ONECUT2: variants seen among roughly 807,000 people sequenced by gnomAD.
ONECUT2 encodes one cut domain family member 2.
Under a neutral mutation model 27.9 loss-of-function variants are expected in ONECUT2, and 10 were observed. The ratio of observed to expected loss-of-function variants is 0.36; its 90% CI spans 0.22 to 0.61. The LOEUF (loss-of-function observed/expected upper bound fraction) is 0.61. ONECUT2 is among the 20% of genes least tolerant of loss of function. The probability of loss-of-function intolerance (pLI) is 0.73; values close to 1 mark genes in which losing one functional copy is unlikely to be tolerated. For synonymous variants in ONECUT2, 334 were observed against 315.1 expected, an observed-to-expected ratio of 1.06 and a Z score of -0.64; for missense variants, 686 against 721.0, an observed-to-expected ratio of 0.95 and a Z score of 0.56.
chr18:57,467,494 T>C (rs937089276), intron 1 of ONECUT2, among the ~76,000 whole-genome samples: 1 of 151,898 alleles, frequency 6.6e-6, no homozygotes, highest in African/African-American at 2.4e-5. Context: ...GCCTCCCGAG[T>C]ATCTGGGATT....
intron 1 of ONECUT2, among the ~76,000 whole-genome samples, chr18:57,460,537 A>G (rs1014391309): frequency 6.6e-6 from 1 of 152,104 alleles, no homozygotes; most frequent in African/African-American, 2.4e-5. Flanking sequence ...AATAGGATAT[A>G]TATTTTCTCT....
chr18:57,465,410 C>T (rs528603036), intron 1 of ONECUT2, among the ~76,000 whole-genome samples: 125 of 152,334 alleles, frequency 8.2e-4, no homozygotes, highest in South Asian at 1.2e-3. Context: ...GCAATCCGCC[C>T]GCCTTGGCCT....
At position 57,486,394 on chromosome 18, in the gene ONECUT2, A is replaced by G. The variant is rs993488473; in HGVS notation, c.*9671A>G. 1.3e-5 allele frequency: 2 copies of G among 152,416 alleles called. No homozygotes were observed. The highest frequency in any genetic ancestry group is 1.9e-4 in the East Asian group (1 of 5,184). 9.4% of individuals were successfully genotyped at this position (152,416 alleles called of 1,614,324 possible). ...TACTAATACCAAAGGTTCTTTCTCT[A>G]TGTCTCCTCCTCTGCCTCCCTCGTT... On this transcript the variant is annotated 3_prime_UTR_variant, in exon 2 of 2. Transcript: ENST00000491143.
intron 1 of ONECUT2, among the ~76,000 whole-genome samples, chr18:57,464,507 G>C (rs779513925): frequency 3.3e-5 from 5 of 150,746 alleles, no homozygotes; most frequent in African/African-American, 4.9e-5. Flanking sequence ...GTTTTGTTTT[G>C]CTTTTCATGT....
At chr18:57,466,114 T>G (rs1403889356) in intron 1 of ONECUT2, among the ~76,000 whole-genome samples, 2 of 152,228 alleles carry the variant, frequency 1.3e-5, no homozygotes, top group Non-Finnish European at 2.9e-5. Flanking sequence ...TTTGTTTTTT[T>G]GCCTAGTTGT....
intron 1 of ONECUT2, among the ~76,000 whole-genome samples, 197 bp downstream of exon 1, chr18:57,437,141 CCTTTT>C (rs1464728358): frequency 1.3e-5 from 2 of 152,094 alleles, no homozygotes; most frequent in Non-Finnish European, 2.9e-5. Context: ...TTCCCTTCTC[CCTTTT>C]CTTTTTCTTT....
At chr18:57,471,516 G>A (rs946656240) in intron 1 of ONECUT2, among the ~76,000 whole-genome samples, 1 of 152,226 alleles carries the variant, frequency 6.6e-6, no homozygotes, top group Non-Finnish European at 1.5e-5. Flanking sequence ...CCAGGGAGAA[G>A]CAAGTTGGTG....
In ONECUT2 at chr18:57,487,999, A is replaced by G. The variant is rs997151202; in HGVS notation, c.*11276A>G. ...TTGCATAGGAGTATGCAGCCTAGGG[A>G]ACCTTGGTTGAAAAGCAGCAGTCTG... On this transcript the variant is annotated 3_prime_UTR_variant, in exon 2 of 2. Coordinates refer to ENST00000491143, the MANE Select transcript of ONECUT2 (RefSeq NM_004852.3). The G allele has an allele frequency of 6.6e-6, 1 of 152,220 alleles. No homozygotes were observed. The highest frequency in any genetic ancestry group is 2.4e-5 in the African/African-American group (1 of 41,458). The allele number at this position is 152,220 out of a possible 1,614,324, so 9.4% of individuals were successfully genotyped here.
rs2050138293 is a variant in ONECUT2, at chr18:57,436,055, C to A, written c.339C>A (p.Ile113=). The A allele has an allele frequency of 6.3e-7, 1 of 1,593,450 alleles. No individual in the cohort carries two copies. The highest frequency in any genetic ancestry group is 8.5e-7 in the Non-Finnish European group (1 of 1,176,510). ...RSAMVTSMAS[I]LDGGDYRPEL... ...CCATGGTCACCAGCATGGCCTCGAT[C>A]CTGGACGGCGGCGACTACCGGCCCG... The change falls in exon 1 of 2, where the codon ATC becomes ATA. Residue 113 remains isoleucine (I), a synonymous_variant. Coordinates refer to ENST00000491143, the MANE Select transcript of ONECUT2 (RefSeq NM_004852.3). The surrounding 1 kb of genome is among the most constrained non-coding windows in gnomAD (Gnocchi z 5.9).
At chr18:57,474,950 G>T (rs1317549740) in intron 1 of ONECUT2, among the ~76,000 whole-genome samples, 5 of 152,078 alleles carry the variant, frequency 3.3e-5, no homozygotes, top group Non-Finnish European at 5.9e-5. Context: ...TTCTGAGGGC[G>T]ACTGCCCCAT....
At chr18:57,442,283 T>C (rs2050179958) in intron 1 of ONECUT2, among the ~76,000 whole-genome samples, 1 of 151,072 alleles carries the variant, frequency 6.6e-6, no homozygotes, top group Non-Finnish European at 1.5e-5. Context: ...ATCCCACCTG[T>C]TGAAGAAGGC....
In ONECUT2 at chr18:57,491,223, A is replaced by G. The variant is rs566087668; in HGVS notation, c.*14500A>G. On this transcript the variant is annotated 3_prime_UTR_variant, in exon 2 of 2. Coordinates refer to ENST00000491143, the MANE Select transcript of ONECUT2 (RefSeq NM_004852.3). The stretch of plus-strand genomic sequence containing the variant: ...ACATCGCTTACACTGGATTCTTTCT[A>G]TTTTTATTCCTATCATTAAATGGTA... 1 of 152,000 alleles carries G rather than the reference A, an allele frequency of 6.6e-6. No individual in the cohort carries two copies. The highest frequency in any genetic ancestry group is 2.4e-5 in the African/African-American group (1 of 41,514). The allele number at this position is 152,000 out of a possible 1,614,324, so 9.4% of individuals were successfully genotyped here. A position where few individuals can be genotyped will look rare whatever the true frequency, so the allele number is the denominator to read the frequency against.
intron 1 of ONECUT2, among the ~76,000 whole-genome samples, chr18:57,473,730 C>G (rs1008074161): frequency 1.1e-4 from 16 of 152,278 alleles, no homozygotes; most frequent in Admixed American, 2.6e-4. Context: ...GATGAGCCCT[C>G]CAGGTGATTC....
At position 57,488,174 on chromosome 18, in the gene ONECUT2, T is replaced by C. The variant is rs1389912844; in HGVS notation, c.*11451T>C. 3 of 152,676 alleles carry C rather than the reference T, an allele frequency of 2.0e-5. No homozygotes were observed. Among genetic ancestry groups the C allele is most frequent in the African/African-American group, 4.8e-5 (2 of 41,472 alleles). The allele number at this position is 152,676 out of a possible 1,614,324, so 9.5% of individuals were successfully genotyped here. On this transcript the variant is annotated 3_prime_UTR_variant, in exon 2 of 2. Coordinates refer to ENST00000491143, the MANE Select transcript of ONECUT2 (RefSeq NM_004852.3). ...GGTTGTGGTAATGTAAACTTTGATA[T>C]ATAGTCTTTTTATTTTTCTCTTATT...
chr18:57,452,354 T>C (rs2050235266), intron 1 of ONECUT2, among the ~76,000 whole-genome samples: 1 of 152,240 alleles, frequency 6.6e-6, no homozygotes, highest in Non-Finnish European at 1.5e-5. Context: ...ACTGCTCTAG[T>C]GTCCCAATGG....
rs1246519635 is a variant in ONECUT2, at chr18:57,488,517, G to C, written c.*11794G>C. 1.3e-5 allele frequency: 2 copies of C among 152,562 alleles called. No individual in the cohort carries two copies. The highest frequency in any genetic ancestry group is 1.5e-5 in the Non-Finnish European group (1 of 68,016). 9.5% of individuals were successfully genotyped at this position (152,562 alleles called of 1,614,324 possible). A position where few individuals can be genotyped will look rare whatever the true frequency, so the allele number is the denominator to read the frequency against. ...GGTCTGGCTGGTTACACTTTGCCAA[G>C]AAGACTTGTCTTATGAAACCCAAGG... On this transcript the variant is annotated 3_prime_UTR_variant, in exon 2 of 2. Coordinates refer to ENST00000491143, the MANE Select transcript of ONECUT2 (RefSeq NM_004852.3).
Position 57,483,777 on chromosome 18 carries a change from A to G in ONECUT2, c.*7054A>G. 6.5e-6 allele frequency: 1 copy of G among 152,774 alleles called. No individual in the cohort carries two copies. The allele number at this position is 152,774 out of a possible 1,614,324, so 9.5% of individuals were successfully genotyped here. ...CTAAGTAACAATTTTTAAATTATTT[A>G]ACTTAAGTTCGCAGCCCCACCTGGT... On this transcript the variant is annotated 3_prime_UTR_variant, in exon 2 of 2. Coordinates refer to ENST00000491143, the MANE Select transcript of ONECUT2 (RefSeq NM_004852.3).
Position 57,482,989 on chromosome 18 carries a change from C to T in ONECUT2, c.*6266C>T, listed in dbSNP as rs1289414203. 1 of 152,466 alleles carries T rather than the reference C, an allele frequency of 6.6e-6. No individual in the cohort carries two copies. The highest frequency in any genetic ancestry group is 2.4e-5 in the African/African-American group (1 of 41,416). The allele number at this position is 152,466 out of a possible 1,614,324, so 9.4% of individuals were successfully genotyped here. A position where few individuals can be genotyped will look rare whatever the true frequency, so the allele number is the denominator to read the frequency against. On this transcript the variant is annotated 3_prime_UTR_variant, in exon 2 of 2. Coordinates refer to ENST00000491143, the MANE Select transcript of ONECUT2 (RefSeq NM_004852.3). Reference sequence around the variant, plus strand: ...GCATATCCAAGATAAACTCAACTTTCAAGAAATCTTGTATATTATTTAATC... The same window carrying T: ...GCATATCCAAGATAAACTCAACTTTTAAGAAATCTTGTATATTATTTAATC...
chr18:57,463,834 A>T (rs1417514979), intron 1 of ONECUT2, among the ~76,000 whole-genome samples: 4 of 152,142 alleles, frequency 2.6e-5, no homozygotes, highest in Non-Finnish European at 5.9e-5. Context: ...TCTCATACTA[A>T]TTCTAACAGT....
Sources: allele counts gnomAD v4.1 joint callset (sites outside exome capture counted in the v4.1 genomes callset), GRCh38; gene constraint gnomAD v4.1.1; non-coding constraint Gnocchi (gnomAD v3.1); transcripts MANE v1.5; gene names NCBI Gene and HGNC (gene_info 2026-07-23, HGNC 2026-07-21).